CFH: variants seen among roughly 807,000 people sequenced by gnomAD.
CFH encodes H factor 1 (complement).
A neutral mutation model predicts 147.3 loss-of-function variants in CFH; 53 were observed. The observed-to-expected ratio is 0.36, with a 90% confidence interval of 0.29 to 0.45. The LOEUF (loss-of-function observed/expected upper bound fraction) is 0.45, where lower values mean the gene tolerates loss of function less well. Among genes scored for constraint, CFH ranks in the 20% least tolerant of loss-of-function variants. CFH has a pLI of 1.00. For synonymous variants in CFH, 536 were observed against 489.4 expected (o/e 1.10, Z -1.26); for missense variants, 1,380 against 1,498.0 (o/e 0.92, Z 1.30).
intron 1 of CFH, among the ~76,000 whole-genome samples, chr1:196,662,226 A>G (rs1666935163): frequency 6.6e-6 from 1 of 152,230 alleles, no homozygotes; most frequent in African/African-American, 2.4e-5. Flanking sequence ...TGCTGACTTA[A>G]GCAAGATGAC....
intron 9 of CFH, chr1:196,700,971 T>A: frequency 1.9e-6 from 1 of 539,634 alleles, no homozygotes; most frequent in Non-Finnish European, 2.4e-6. Flanking sequence ...TTAGAGGTCT[T>A]GTGGCCTCTT....
chr1:196,653,427 A>G lies in CFH; in HGVS notation c.58+1252A>G, dbSNP rs552827614. Among the ~76,000 whole-genome samples the G allele has an allele frequency of 6.6e-5, 10 of 152,034 alleles. No individual in the cohort carries two copies. In the East Asian group the frequency reaches 1.9e-3, roughly 29 times the overall value. On this transcript the variant is annotated intron_variant, in intron 1 of 21. Transcript: ENST00000367429. Reference sequence around the variant, plus strand: ...GTCAATATTACCTATTGTAAAAGACATCTTTTTCTGTTTCTTTGTGTAAAT... The same window carrying G: ...GTCAATATTACCTATTGTAAAAGACGTCTTTTTCTGTTTCTTTGTGTAAAT...
intron 9 of CFH, among the ~76,000 whole-genome samples, chr1:196,694,167 C>T (rs1668166792): frequency 6.6e-6 from 1 of 151,942 alleles, no homozygotes; most frequent in Non-Finnish European, 1.5e-5. Context: ...CCCCGCACAC[C>T]CCAACAAGCC....
chr1:196,667,540 T>C (rs1318065886), intron 1 of CFH, among the ~76,000 whole-genome samples: 1 of 152,198 alleles, frequency 6.6e-6, no homozygotes, highest in Non-Finnish European at 1.5e-5. Context: ...TTTTCTAGCA[T>C]ATTGGTTTTT....
At position 196,726,509 on chromosome 1, in the gene CFH, A is replaced by G. The variant is rs755928805; in HGVS notation, c.1913A>G (p.Asn638Ser). The change falls in exon 13 of 22, where the codon AAT becomes AGT. Residue 638 changes from asparagine (N) to serine (S), a missense_variant. By Grantham distance (46) the Asn-to-Ser change is conservative. This residue lies in a region of CFH where 830 missense variants were observed against 821.4 expected (regional missense o/e 1.01). Coordinates refer to ENST00000367429, the MANE Select transcript of CFH (RefSeq NM_000186.4). Reference sequence around the variant, plus strand: ...TGTGGTCCACCTCCTGAACTCCTCAATGGGAATGTTAAGGAAAAAACGAAA... The same window carrying G: ...TGTGGTCCACCTCCTGAACTCCTCAGTGGGAATGTTAAGGAAAAAACGAAA... ...QSCGPPPELL[N>S]GNVKEKTKEE... 91 of 1,612,834 alleles carry G rather than the reference A, an allele frequency of 5.6e-5. No homozygotes were observed. Among genetic ancestry groups the G allele is most frequent in the South Asian group, 1.9e-4 (17 of 91,066 alleles).
intron 9 of CFH, among the ~76,000 whole-genome samples, chr1:196,696,514 A>C (rs1268659032): frequency 6.6e-6 from 1 of 152,160 alleles, no homozygotes; most frequent in Non-Finnish European, 1.5e-5. Flanking sequence ...AGTGGGAAAG[A>C]TCTAAACTTG....
At chr1:196,692,399 C>A in intron 9 of CFH, 2 of 844,952 alleles carry the variant, frequency 2.4e-6, no homozygotes, top group Non-Finnish European at 2.8e-6. Context: ...AATAATATGC[C>A]TTGATTAGAT....
At chr1:196,711,834 T>G (rs970112466) in intron 9 of CFH, among the ~76,000 whole-genome samples, 1 of 152,130 alleles carries the variant, frequency 6.6e-6, no homozygotes. Context: ...AGGTATCCTT[T>G]GTCCATTCTT....
intron 8 of CFH, among the ~76,000 whole-genome samples, chr1:196,689,833 T>C (rs1381571695): frequency 6.6e-6 from 1 of 152,096 alleles, no homozygotes; most frequent in Non-Finnish European, 1.5e-5. Flanking sequence ...AATATCTATA[T>C]AATTTATACA....
chr1:196,734,737 A>G (rs1462533492), intron 15 of CFH, among the ~76,000 whole-genome samples: 1 of 151,944 alleles, frequency 6.6e-6, no homozygotes, highest in Non-Finnish European at 1.5e-5. Flanking sequence ...AATATTGATC[A>G]TTTTTTAAAT....
chr1:196,679,407 A>G, intron 5 of CFH: 2 of 412,926 alleles, frequency 4.8e-6, no homozygotes, highest in Non-Finnish European at 8.9e-6. Flanking sequence ...AGGCTAATTT[A>G]TCCTGAAACT....
intron 9 of CFH, among the ~76,000 whole-genome samples, chr1:196,704,275 A>G (rs1330515575): frequency 6.6e-6 from 1 of 151,912 alleles, no homozygotes; most frequent in Non-Finnish European, 1.5e-5. Flanking sequence ...TTATATTTTT[A>G]GTAGAGACAG....
At chr1:196,724,051 G>A (rs945478581) in intron 11 of CFH, among the ~76,000 whole-genome samples, 1 of 152,024 alleles carries the variant, frequency 6.6e-6, no homozygotes, top group African/African-American at 2.4e-5. Context: ...GCTGGAAGTG[G>A]CGTAGTCATT....
chr1:196,654,022 C>G (rs1666593364), intron 1 of CFH, among the ~76,000 whole-genome samples: 1 of 152,056 alleles, frequency 6.6e-6, no homozygotes, highest in Non-Finnish European at 1.5e-5. Context: ...TGAAACTAAA[C>G]TAGTTCGAGA....
rs377051103 is a variant in CFH at position 196,713,811 on chromosome 1, A to G, written c.1413A>G (p.Glu471=). 6.2e-7 allele frequency: 1 copy of G among 1,611,536 alleles called. No individual in the cohort carries two copies. Among genetic ancestry groups the G allele is most frequent in the African/African-American group, 1.3e-5 (1 of 74,822 alleles). Reference sequence around the variant, plus strand: ...CTCAGTATACATATGCCTTAAAAGAAAAAGCGAAATATCAATGCAAACTAG... The same window carrying G: ...CTCAGTATACATATGCCTTAAAAGAGAAAGCGAAATATCAATGCAAACTAG... The part of the protein sequence containing the change: ...SESQYTYALK[E]KAKYQCKLGY... Residue 471 remains glutamate (E), a synonymous_variant, in exon 10 of 22, where the codon GAA becomes GAG. Transcript: ENST00000367429.
rs539137322 is a variant in CFH at position 196,673,398 on chromosome 1, G to A, written c.244+235G>A. ...TATCGCCTGGCTGGAGTGCAGTGGC[G>A]CTATTTCGGCTCACTGCAACCTCTG... On this transcript the variant is annotated intron_variant, in intron 2 of 21. Transcript: ENST00000367429. 7.9e-4 allele frequency: 401 copies of A among 508,666 alleles called. 8 individuals are homozygous for A. The highest frequency in any genetic ancestry group is 7.7e-3 in the South Asian group (361 of 47,112). 31.5% of individuals were successfully genotyped at this position (508,666 alleles called of 1,614,324 possible). A position where few individuals can be genotyped will look rare whatever the true frequency, so the allele number is the denominator to read the frequency against.
intron 1 of CFH, among the ~76,000 whole-genome samples, chr1:196,659,162 T>C (rs571112511): frequency 1.3e-5 from 2 of 152,220 alleles, no homozygotes; most frequent in Non-Finnish European, 2.9e-5. Context: ...ACATACATGC[T>C]GAGAGTTTGA....
intron 20 of CFH, among the ~76,000 whole-genome samples, chr1:196,744,900 T>A (rs1461423727): frequency 3.9e-5 from 6 of 152,158 alleles, no homozygotes; most frequent in Non-Finnish European, 7.4e-5. Context: ...ATTCCCTTGG[T>A]ATCCCTTTCT....
intron 1 of CFH, among the ~76,000 whole-genome samples, chr1:196,663,174 G>C (rs894962412): frequency 2.6e-5 from 4 of 151,982 alleles, no homozygotes; most frequent in South Asian, 2.1e-4. Context: ...TATATTAATT[G>C]GTATGTTCCA....
Sources: allele counts gnomAD v4.1 joint callset (sites outside exome capture counted in the v4.1 genomes callset), GRCh38; gene constraint gnomAD v4.1.1; regional missense constraint gnomAD v4.1.1; transcripts MANE v1.5; gene names NCBI Gene and HGNC (gene_info 2026-07-23, HGNC 2026-07-21).